Variants in ARHGEF10 observed in about 807,000 individuals in gnomAD.
The protein encoded by ARHGEF10 is Rho guanine nucleotide exchange factor 10, also known as Rho guanine nucleotide exchange factor (GEF) 10.
ARHGEF10 carries 140 observed loss-of-function variants against 147.4 expected under a neutral mutation model. The ratio of observed to expected loss-of-function variants is 0.95; its 90% CI spans 0.83 to 1.09. The LOEUF is 1.09. Ranked by LOEUF, ARHGEF10 falls within the 50% of genes least tolerant of loss-of-function variation. The probability of loss-of-function intolerance (pLI) is 0.00; values close to 1 mark genes in which losing one functional copy is unlikely to be tolerated. For synonymous variants in ARHGEF10, 902 were observed against 695.8 expected, an observed-to-expected ratio of 1.30 and a Z score of -4.67; for missense variants, 2,222 against 1,752.7, an observed-to-expected ratio of 1.27 and a Z score of -4.78.
At chr8:1,876,116 C>G (rs750228873) in intron 7 of ARHGEF10, 22 of 195,202 alleles carry the variant, frequency 1.1e-4, no homozygotes, top group Non-Finnish European at 1.5e-4. Flanking sequence ...TATCATCCAC[C>G]TATCCATCCA....
At chr8:1,856,005 G>T (rs1805522818) in intron 2 of ARHGEF10, among the ~76,000 whole-genome samples, 1 of 151,928 alleles carries the variant, frequency 6.6e-6, no homozygotes, top group African/African-American at 2.4e-5. Flanking sequence ...TAGTTAACAA[G>T]GCTCAAACTC....
Position 1,824,105 on chromosome 8 carries a change from G to T in ARHGEF10, c.-56G>T, listed in dbSNP as rs1371414593. On this transcript the variant is annotated 5_prime_UTR_variant, in exon 1 of 29. Transcript: ENST00000349830. ...GCAGGGGACTGCGGGTCGCGTCCTG[G>T]CCGCCGAGGTGAGTGCGGGCCCCGC... 6.6e-6 allele frequency: 1 copy of T among 152,064 alleles called. No individual in the cohort carries two copies. The highest frequency in any genetic ancestry group is 2.4e-5 in the African/African-American group (1 of 41,366). 9.4% of individuals were successfully genotyped at this position (152,064 alleles called of 1,614,324 possible).
chr8:1,925,770 G>A (rs1015970000), intron 22 of ARHGEF10, among the ~76,000 whole-genome samples: 1 of 152,186 alleles, frequency 6.6e-6, no homozygotes, highest in Non-Finnish European at 1.5e-5. Flanking sequence ...CAGGTCTCCT[G>A]TCTGCTTGAG....
At chr8:1,845,720 G>C (rs529443458) in intron 2 of ARHGEF10, among the ~76,000 whole-genome samples, 3 of 152,258 alleles carry the variant, frequency 2.0e-5, no homozygotes, top group African/African-American at 7.2e-5. Flanking sequence ...TCTGCCCAGC[G>C]GTACCACCAC....
At chr8:1,857,322 T>A (rs1764589209) in intron 2 of ARHGEF10, among the ~76,000 whole-genome samples, 1 of 152,150 alleles carries the variant, frequency 6.6e-6, no homozygotes, top group Non-Finnish European at 1.5e-5. Flanking sequence ...TGAATTCTCT[T>A]CCAGACCATC....
rs187634869 is a variant in ARHGEF10, at chr8:1,926,233, C to G, written c.2611-144C>G. On this transcript the variant is annotated intron_variant, in intron 22 of 28. Transcript: ENST00000349830. ...AGTTGTACTTTTAAACTTTCATCCT[C>G]CCTATTTTAATCTTTGGTAGGTAAT... 441 of 740,608 alleles carry G rather than the reference C, an allele frequency of 6.0e-4. 3 individuals are homozygous for G. The African/African-American group carries it at 7.0e-3, about 12-fold the overall frequency. 45.9% of individuals were successfully genotyped at this position (740,608 alleles called of 1,614,324 possible).
intron 12 of ARHGEF10, 25 bp from the exon 13 acceptor site, chr8:1,894,368 A>G: frequency 5.0e-6 from 8 of 1,613,826 alleles, no homozygotes; most frequent in Non-Finnish European, 6.8e-6. Context: ...AAAAGTCTGA[A>G]CTGTCTTTGC....
intron 18 of ARHGEF10, among the ~76,000 whole-genome samples, chr8:1,920,383 C>T (rs992239375): frequency 1.8e-4 from 27 of 152,108 alleles, no homozygotes; most frequent in African/African-American, 5.6e-4. Flanking sequence ...AGTGCAGTGG[C>T]ACAATTATAG....
chr8:1,932,117 TC>T (rs1191748352), intron 25 of ARHGEF10, among the ~76,000 whole-genome samples: 1 of 152,178 alleles, frequency 6.6e-6, no homozygotes, highest in Non-Finnish European at 1.5e-5. Context: ...CTTGTGCCAC[TC>T]CATGCCCTTC....
At chr8:1,881,190 GCT>G (rs1039727437) in intron 9 of ARHGEF10, among the ~76,000 whole-genome samples, 1 of 152,164 alleles carries the variant, frequency 6.6e-6, no homozygotes, top group Non-Finnish European at 1.5e-5. Context: ...CAGCACGCTC[GCT>G]TCCCCTGGTG....
At chr8:1,869,436 A>C (rs144252379) in intron 7 of ARHGEF10, 186 bp downstream of exon 7, 7,477 of 704,014 alleles carry the variant, frequency 0.011, 64 homozygotes, top group Admixed American at 0.014. Context: ...GTGTGTGCTT[A>C]TAACCCTTGA....
intron 11 of ARHGEF10, among the ~76,000 whole-genome samples, chr8:1,891,144 A>G (rs934239360): frequency 4.6e-5 from 7 of 152,196 alleles, no homozygotes; most frequent in African/African-American, 1.7e-4. Flanking sequence ...GTCACTTTCA[A>G]TGAGATGATA....
intron 11 of ARHGEF10, among the ~76,000 whole-genome samples, chr8:1,886,404 G>A (rs1808661993): frequency 6.6e-6 from 1 of 152,196 alleles, no homozygotes; most frequent in Admixed American, 6.5e-5. Context: ...CCTGATACAG[G>A]TAGGCAGATA....
chr8:1,853,411 G>A (rs1414342518), intron 2 of ARHGEF10, among the ~76,000 whole-genome samples: 1 of 152,250 alleles, frequency 6.6e-6, no homozygotes, highest in Non-Finnish European at 1.5e-5. Context: ...CTTTTTGAAA[G>A]ATCCATGTCG....
intron 1 of ARHGEF10, among the ~76,000 whole-genome samples, chr8:1,833,224 G>C (rs1803354210): frequency 8.1e-6 from 1 of 123,468 alleles, no homozygotes; most frequent in Non-Finnish European, 1.7e-5. Flanking sequence ...AGAAGCAGAG[G>C]GATGCAGAGG....
At chr8:1,942,881 G>C (rs1585629737) in intron 26 of ARHGEF10, among the ~76,000 whole-genome samples, 1 of 152,164 alleles carries the variant, frequency 6.6e-6, no homozygotes, top group Non-Finnish European at 1.5e-5. Flanking sequence ...GTCAGAACAG[G>C]CAAATCCAGA....
Position 1,869,352 on chromosome 8 carries a change from A to G in ARHGEF10, c.679+102A>G, listed in dbSNP as rs550138855. On this transcript the variant is annotated intron_variant, in intron 7 of 28. Transcript: ENST00000349830. ...AGTGGACGGCCCAGACGTTTTCTGTATTCATGTTTTGTATGTTGCTTCTAG... is the reference window on the plus strand; with the variant it reads ...AGTGGACGGCCCAGACGTTTTCTGTGTTCATGTTTTGTATGTTGCTTCTAG... The G allele has an allele frequency of 1.3e-5, 13 of 1,010,622 alleles. No homozygotes were observed. The African/African-American group carries it at 1.7e-4, about 14-fold the overall frequency. 62.6% of individuals were successfully genotyped at this position (1,010,622 alleles called of 1,614,324 possible).
chr8:1,828,497 A>C (rs1319775615), intron 1 of ARHGEF10, among the ~76,000 whole-genome samples: 3 of 146,858 alleles, frequency 2.0e-5, no homozygotes, highest in African/African-American at 5.1e-5. Flanking sequence ...ATGCACACTT[A>C]CGGTTTTAAG....
intron 2 of ARHGEF10, among the ~76,000 whole-genome samples, chr8:1,857,417 CTTTTCT>C (rs1457896875): frequency 6.8e-6 from 1 of 147,552 alleles, no homozygotes; most frequent in East Asian, 2.0e-4. Flanking sequence ...CTCTTGTTTT[CTTTTCT>C]TTTTTTTTTT....
Sources: gnomAD v4.1 joint callset for allele counts (sites outside exome capture counted in the v4.1 genomes callset) on GRCh38, gnomAD v4.1.1 for gene constraint, MANE v1.5 for transcripts, NCBI Gene and HGNC (gene_info 2026-07-23, HGNC 2026-07-21) for gene names.